The following PLEKHA8 variants were observed in gnomAD, a reference collection of about 807,000 sequenced individuals.
PLEKHA8 encodes pleckstrin homology domain-containing family A member 8.
PLEKHA8 carries 36 observed loss-of-function variants against 68.2 expected under a neutral mutation model. That is an observed-to-expected ratio of 0.53 (90% CI 0.40 to 0.70). The LOEUF is 0.70. Ranked by LOEUF, PLEKHA8 falls within the 30% of genes least tolerant of loss-of-function variation. The pLI is 0.00. For missense variants in PLEKHA8, 505 were observed against 615.4 expected (o/e 0.82, Z 1.90); for synonymous variants, 211 against 216.1 (o/e 0.98, Z 0.20).
At chr7:30,029,388 T>C (rs1790477430) in intron 1 of PLEKHA8, among the ~76,000 whole-genome samples, 1 of 152,202 alleles carries the variant, frequency 6.6e-6, no homozygotes, top group Non-Finnish European at 1.5e-5. Flanking sequence ...TCCTTTTGTT[T>C]TACAGACTCA....
chr7:30,095,234 G>C (rs1291990527), downstream of PLEKHA8, among the ~76,000 whole-genome samples: 1 of 152,170 alleles, frequency 6.6e-6, no homozygotes, highest in African/African-American at 2.4e-5. Flanking sequence ...GTGTGAGATG[G>C]TATCTCATTG....
chr7:30,060,207 T>G (rs775808147), intron 9 of PLEKHA8, among the ~76,000 whole-genome samples: 2 of 151,936 alleles, frequency 1.3e-5, no homozygotes, highest in African/African-American at 2.4e-5. Flanking sequence ...TTTGGGAGGC[T>G]GAGGTGGGCA....
At position 30,120,156 on chromosome 7, in the gene PLEKHA8, T is replaced by TA. The variant is rs377419534; in HGVS notation, c.1363-9097dup. Among the ~76,000 whole-genome samples, 412 of 101,740 alleles carry TA rather than the reference T, an allele frequency of 4.0e-3. 2 individuals are homozygous for TA. The highest frequency in any genetic ancestry group is 5.4e-3 in the African/African-American group (144 of 26,568). 66.7% of individuals were successfully genotyped at this position (101,740 alleles called of 152,430 possible). On this transcript the variant is annotated intron_variant, in intron 13 of 13. Transcript: ENST00000396257. Reference sequence around the variant, plus strand: ...GTAGGATGGCTGTAATACAAATAATTAAAAAAAAAAAAACAAAAAAAAAAA... The same window carrying TA: ...GTAGGATGGCTGTAATACAAATAATTAAAAAAAAAAAAAACAAAAAAAAAAA...
chr7:30,077,990 A>T (rs1451345312), intron 13 of PLEKHA8, among the ~76,000 whole-genome samples: 1 of 152,186 alleles, frequency 6.6e-6, no homozygotes, highest in Non-Finnish European at 1.5e-5. Context: ...TATAAAATAG[A>T]GATATAAACT....
chr7:30,100,957 G>A (rs890546651), intron 13 of PLEKHA8, among the ~76,000 whole-genome samples: 72 of 151,498 alleles, frequency 4.8e-4, no homozygotes, highest in African/African-American at 1.6e-3. Flanking sequence ...TAGGAGGCCA[G>A]GGTGGGCAGA....
At chr7:30,033,552 G>T (rs1488552873) in intron 1 of PLEKHA8, among the ~76,000 whole-genome samples, 1 of 151,980 alleles carries the variant, frequency 6.6e-6, no homozygotes, top group Non-Finnish European at 1.5e-5. Flanking sequence ...ATTTGGATTG[G>T]GCTGTTCTTT....
In PLEKHA8 at chr7:30,063,608, C is replaced by G. The variant is rs536087292; in HGVS notation, c.1300+866C>G. On this transcript the variant is annotated intron_variant, in intron 12 of 13. Coordinates refer to ENST00000449726, the MANE Select transcript of PLEKHA8 (RefSeq NM_001197026.2). ...TTGGGTTCTACCTCCTTCTGTTAGT[C>G]CTCTCTCTGGGCCATGAGTCCTCAA... 5.9e-5 allele frequency among the ~76,000 whole-genome samples: 9 copies of G among 152,218 alleles called. No individual in the cohort carries two copies. In the East Asian group the frequency reaches 1.4e-3, roughly 23 times the overall value.
chr7:30,110,593 T>C (rs984750460), intron 13 of PLEKHA8, among the ~76,000 whole-genome samples: 6 of 152,234 alleles, frequency 3.9e-5, no homozygotes, highest in Non-Finnish European at 8.8e-5. Context: ...TTTGAGGAAC[T>C]TCCGAAGTGT....
At chr7:30,035,010 T>C (rs1790959178) in intron 1 of PLEKHA8, among the ~76,000 whole-genome samples, 1 of 152,210 alleles carries the variant, frequency 6.6e-6, no homozygotes, top group Non-Finnish European at 1.5e-5. Context: ...CCATTTTGAA[T>C]TAATTTTTGT....
chr7:30,030,781 G>T (rs1790601515), intron 1 of PLEKHA8, among the ~76,000 whole-genome samples: 2 of 152,230 alleles, frequency 1.3e-5, no homozygotes, highest in South Asian at 4.1e-4. Context: ...TAGCCTAGGA[G>T]GATCACATGC....
rs901799495 is a variant in PLEKHA8, at chr7:30,057,659, C to T, written c.1039+2317C>T. On this transcript the variant is annotated intron_variant, in intron 9 of 13. Coordinates refer to ENST00000449726, the MANE Select transcript of PLEKHA8 (RefSeq NM_001197026.2). ...TATTTTTAATAGAGACAAGGTTTCA[C>T]CATGTTGGCCAGGCTGGTCTCAAAC... Among the ~76,000 whole-genome samples, 7 of 152,094 alleles carry T rather than the reference C, an allele frequency of 4.6e-5. No homozygotes were observed. The South Asian group carries it at 8.3e-4, about 18-fold the overall frequency.
intron 13 of PLEKHA8, chr7:30,117,987 A>C: frequency 2.0e-6 from 3 of 1,531,592 alleles, no homozygotes; most frequent in Non-Finnish European, 2.6e-6. Context: ...CAAATGTCTG[A>C]TGGTGGCCCA....
chr7:30,120,103 G>T (rs775735382), intron 13 of PLEKHA8, among the ~76,000 whole-genome samples: 7 of 148,174 alleles, frequency 4.7e-5, no homozygotes, highest in Non-Finnish European at 7.4e-5. Context: ...GCAAATCAAA[G>T]CCACAATGAG....
At chr7:30,034,546 A>G (rs1051481460) in intron 1 of PLEKHA8, among the ~76,000 whole-genome samples, 2 of 152,196 alleles carry the variant, frequency 1.3e-5, no homozygotes, top group Non-Finnish European at 2.9e-5. Context: ...TTCCTACAAT[A>G]AAGTAAGCTA....
chr7:30,129,025 C>A (rs1796829121), intron 13 of PLEKHA8, among the ~76,000 whole-genome samples: 1 of 152,204 alleles, frequency 6.6e-6, no homozygotes, highest in African/African-American at 2.4e-5. Flanking sequence ...GCCCTGCCTC[C>A]ACCACTGGGG....
chr7:30,061,421 C>G (rs956372462), intron 10 of PLEKHA8, among the ~76,000 whole-genome samples: 6 of 152,098 alleles, frequency 3.9e-5, no homozygotes, highest in Non-Finnish European at 8.8e-5. Flanking sequence ...GGGATGGGTC[C>G]CCTTTTAAAT....
intron 13 of PLEKHA8, among the ~76,000 whole-genome samples, chr7:30,106,380 A>G (rs1393860264): frequency 3.9e-5 from 6 of 152,062 alleles, no homozygotes; most frequent in African/African-American, 1.4e-4. Context: ...AAGTCTTTAA[A>G]CCATCTGGAA....
chr7:30,070,210 T>C (rs893654141), intron 12 of PLEKHA8, among the ~76,000 whole-genome samples: 15 of 152,034 alleles, frequency 9.9e-5, no homozygotes, highest in Non-Finnish European at 2.1e-4. Context: ...CCAGCCCAAA[T>C]TCTTTTGACA....
rs1794969373 is a variant in PLEKHA8 at position 30,082,214 on chromosome 7, A to G, written c.*3427A>G. ...TGATTATTAAACTTCCCCCAATGTC[A>G]TATTCCATGATGAGGGATTTCTGAA... On this transcript the variant is annotated 3_prime_UTR_variant, in exon 14 of 14. Coordinates refer to ENST00000449726, the MANE Select transcript of PLEKHA8 (RefSeq NM_001197026.2). 1 of 985,404 alleles carries G rather than the reference A, an allele frequency of 1.0e-6. No homozygotes were observed. Among genetic ancestry groups the G allele is most frequent in the South Asian group, 4.7e-5 (1 of 21,282 alleles). 61.0% of individuals were successfully genotyped at this position (985,404 alleles called of 1,614,324 possible).
Sources: gnomAD v4.1 joint callset for allele counts (sites outside exome capture counted in the v4.1 genomes callset) on GRCh38, gnomAD v4.1.1 for gene constraint, MANE v1.5 for transcripts, NCBI Gene and HGNC (gene_info 2026-07-23, HGNC 2026-07-21) for gene names.